The following FRMD4B variants were observed in gnomAD, a reference collection of about 807,000 sequenced individuals.
The protein encoded by FRMD4B is FERM domain containing 4B, also known as FERM domain-containing protein 4B.
FRMD4B carries 74 observed loss-of-function variants against 141.5 expected under a neutral mutation model. The observed-to-expected ratio is 0.52, with a 90% CI of 0.43 to 0.63. The LOEUF (loss-of-function observed/expected upper bound fraction) is 0.63. FRMD4B is among the 30% of genes least tolerant of loss of function. FRMD4B has a pLI of 0.00. For synonymous variants in FRMD4B, 506 were observed against 467.9 expected (o/e 1.08, Z -1.05); for missense variants, 1,366 against 1,253.4 (o/e 1.09, Z -1.36).
chr3:69,284,686 G>C (rs1448422569), intron 5 of FRMD4B, among the ~76,000 whole-genome samples: 1 of 151,998 alleles, frequency 6.6e-6, no homozygotes, highest in African/African-American at 2.4e-5. Flanking sequence ...CATGCAAATA[G>C]GCAGAGAAAC....
intron 5 of FRMD4B, among the ~76,000 whole-genome samples, chr3:69,284,846 T>A (rs1431504031): frequency 6.6e-6 from 1 of 152,086 alleles, no homozygotes; most frequent in East Asian, 1.9e-4. Flanking sequence ...GTAAAAAGGA[T>A]CCAAATCAAA....
At chr3:69,421,370 C>T (rs1271317546) in intron 2 of FRMD4B, among the ~76,000 whole-genome samples, 1 of 152,184 alleles carries the variant, frequency 6.6e-6, no homozygotes, top group African/African-American at 2.4e-5. Flanking sequence ...CATGCAAGTG[C>T]CAACAGAGGC....
intron 1 of FRMD4B, among the ~76,000 whole-genome samples, chr3:69,322,282 A>G (rs541351088): frequency 6.6e-6 from 1 of 152,014 alleles, no homozygotes; most frequent in Non-Finnish European, 1.5e-5. Flanking sequence ...GGGCCCCTTT[A>G]TATCATCTCT....
At chr3:69,357,663 C>T (rs1433546405) in intron 1 of FRMD4B, among the ~76,000 whole-genome samples, 1 of 152,156 alleles carries the variant, frequency 6.6e-6, no homozygotes, top group East Asian at 1.9e-4. Context: ...AAAACTATCA[C>T]TTTCATCACA....
chr3:69,271,985 AAAATAAAATAAAAT>A (rs2093596568), intron 5 of FRMD4B, among the ~76,000 whole-genome samples: 1 of 152,036 alleles, frequency 6.6e-6, no homozygotes, highest in South Asian at 2.1e-4. Context: ...AAAAAAATAA[AAAATAAAATAAAAT>A]AAATAAAATA....
intron 2 of FRMD4B, among the ~76,000 whole-genome samples, chr3:69,431,632 T>G (rs1468907916): frequency 1.3e-5 from 2 of 152,282 alleles, no homozygotes; most frequent in East Asian, 3.9e-4. Context: ...GGTTTTAATA[T>G]CACCCGCATT....
intron 1 of FRMD4B, among the ~76,000 whole-genome samples, chr3:69,470,474 T>C (rs191470600): frequency 6.6e-6 from 1 of 152,304 alleles, no homozygotes; most frequent in East Asian, 1.9e-4. Flanking sequence ...AGGTGGTCTT[T>C]GGTATGTCCA....
At chr3:69,357,304 A>G (rs1375596236) in intron 1 of FRMD4B, among the ~76,000 whole-genome samples, 3 of 152,254 alleles carry the variant, frequency 2.0e-5, no homozygotes, top group Non-Finnish European at 4.4e-5. Context: ...ATGTTCTTCC[A>G]AATGCCTTCT....
intron 12 of FRMD4B, 147 bp downstream of exon 12, chr3:69,198,551 T>A: frequency 3.3e-6 from 2 of 614,404 alleles, no homozygotes; most frequent in South Asian, 4.1e-5. Context: ...TAAAGATAGT[T>A]ACCATTTGAC....
intron 1 of FRMD4B, among the ~76,000 whole-genome samples, chr3:69,478,455 G>A (rs1377261810): frequency 5.9e-5 from 9 of 152,064 alleles, no homozygotes; most frequent in African/African-American, 1.7e-4. Flanking sequence ...CCTTCATTTC[G>A]TTAGGTACCC....
chr3:69,465,228 G>A (rs1705763460), intron 1 of FRMD4B, among the ~76,000 whole-genome samples: 1 of 151,582 alleles, frequency 6.6e-6, no homozygotes, highest in South Asian at 2.1e-4. Context: ...GCTGAGGCAG[G>A]AGAATGGCAT....
rs370441713 is a variant in FRMD4B, at chr3:69,300,728, G to T, written c.416+1615C>A. Among the ~76,000 whole-genome samples, 348 of 152,066 alleles carry T rather than the reference G, an allele frequency of 2.3e-3. 3 individuals are homozygous for T. The highest frequency in any genetic ancestry group is 6.8e-3 in the Middle Eastern group (2 of 294). The stretch of plus-strand genomic sequence containing the variant: ...CAAGGATGTTAGGTGCAACCTATTG[G>T]TTTTTTTTGTTTTTGTTTTTGTTTT... On this transcript the variant is annotated intron_variant, in intron 4 of 22. Transcript: ENST00000398540.
chr3:69,333,434 C>G (rs1702445173), intron 1 of FRMD4B, among the ~76,000 whole-genome samples: 1 of 152,180 alleles, frequency 6.6e-6, no homozygotes, highest in Non-Finnish European at 1.5e-5. Flanking sequence ...TGAGCCAGAT[C>G]ACCCCCAGAT....
chr3:69,245,342 TG>T (rs2093416196), intron 7 of FRMD4B, among the ~76,000 whole-genome samples: 3 of 147,352 alleles, frequency 2.0e-5, no homozygotes, highest in African/African-American at 8.1e-5. Context: ...TGTGTGTGTG[TG>T]TGTGTGTGTG....
intron 20 of FRMD4B, 59 bp downstream of exon 20, chr3:69,182,539 G>A (rs919532421): frequency 1.3e-6 from 2 of 1,521,312 alleles, no homozygotes; most frequent in Non-Finnish European, 1.8e-6. Context: ...AATAAAGCAA[G>A]ACAGAACCTC....
intron 5 of FRMD4B, among the ~76,000 whole-genome samples, chr3:69,265,220 A>G (rs1272994589): frequency 1.6e-5 from 2 of 122,398 alleles, no homozygotes; most frequent in African/African-American, 6.2e-5. Context: ...GCGCCACTGC[A>G]CTCCAGCCTG....
At chr3:69,389,368 T>C (rs1704334650), upstream of FRMD4B, among the ~76,000 whole-genome samples, 1 of 152,208 alleles carries the variant, frequency 6.6e-6, no homozygotes, top group South Asian at 2.1e-4. Context: ...GTACATATTA[T>C]AAAATGTGTT....
In FRMD4B at chr3:69,176,670, T is replaced by C; in HGVS notation, c.2852-14A>G. 6.4e-7 allele frequency: 1 copy of C among 1,574,264 alleles called. No individual in the cohort carries two copies. Among genetic ancestry groups the C allele is most frequent in the East Asian group, 2.2e-5 (1 of 44,666 alleles). ...TTGTAGAAGACACTGGAAATAAAAA[T>C]GGAAAAAGATAAAATTAATGGAAAT... On this transcript the variant is annotated splice_polypyrimidine_tract_variant and intron_variant, in intron 21 of 22. Transcript: ENST00000398540.
rs59394211 is a variant in FRMD4B at position 69,522,364 on chromosome 3, C to CA, written c.-129+19841dup. On this transcript the variant is annotated intron_variant, in intron 1 of 5. Coordinates refer to the FRMD4B transcript ENST00000459638. The stretch of plus-strand genomic sequence containing the variant: ...TCTCTATCCAGAAGTCAGATGAGGG[C>CA]AAAAAGTCAGGAAAGTAGTGAGTTA... Among the ~76,000 whole-genome samples, 478 of 152,020 alleles carry CA rather than the reference C, an allele frequency of 3.1e-3. 5 individuals are homozygous for CA. The highest frequency in any genetic ancestry group is 0.011 in the African/African-American group (451 of 41,432).
Sources: allele counts gnomAD v4.1 joint callset (sites outside exome capture counted in the v4.1 genomes callset), GRCh38; gene constraint gnomAD v4.1.1; transcripts MANE v1.5; gene names NCBI Gene and HGNC (gene_info 2026-07-23, HGNC 2026-07-21).